Variants in LRP1B observed in about 807,000 individuals in gnomAD.
LRP1B encodes low-density lipoprotein receptor-related protein 1B.
LRP1B carries 217 observed loss-of-function variants against 556.6 expected under a neutral mutation model. The ratio of observed to expected loss-of-function variants is 0.39; its 90% confidence interval spans 0.35 to 0.44. The LOEUF is 0.44. Ranked by LOEUF, LRP1B falls within the 20% of genes least tolerant of loss-of-function variation. The pLI, the probability that LRP1B is intolerant of heterozygous loss-of-function variation, is 1.00. For synonymous variants in LRP1B, 2,047 were observed against 1,865.8 expected, an observed-to-expected ratio of 1.10 and a Z score of -2.50; for missense variants, 5,053 against 5,620.8, an observed-to-expected ratio of 0.90 and a Z score of 3.23.
At chr2:140,479,714 G>A (rs1431986727) in intron 59 of LRP1B, among the ~76,000 whole-genome samples, 3 of 152,088 alleles carry the variant, frequency 2.0e-5, no homozygotes, top group Admixed American at 2.0e-4. Context: ...TTCCCTGTGT[G>A]TTTTTGCCTG....
At chr2:141,937,179 G>A (rs1055166472) in intron 1 of LRP1B, among the ~76,000 whole-genome samples, 10 of 151,774 alleles carry the variant, frequency 6.6e-5, no homozygotes, top group African/African-American at 2.2e-4. Context: ...CATGAAGTCA[G>A]GAGATTGAGA....
At chr2:141,116,878 C>A (rs902690805) in intron 7 of LRP1B, among the ~76,000 whole-genome samples, 4 of 151,942 alleles carry the variant, frequency 2.6e-5, no homozygotes, top group African/African-American at 9.7e-5. Flanking sequence ...TTGGATTTTC[C>A]TTGGATTGCA....
At chr2:140,360,579 C>T (rs559769617) in intron 72 of LRP1B, among the ~76,000 whole-genome samples, 37 of 151,630 alleles carry the variant, frequency 2.4e-4, no homozygotes, top group Non-Finnish European at 4.3e-4. Flanking sequence ...TCACCACCTC[C>T]GCCCCAGTTT....
chr2:141,216,624 A>T (rs1374757439), intron 6 of LRP1B, among the ~76,000 whole-genome samples: 4 of 152,214 alleles, frequency 2.6e-5, no homozygotes, highest in Non-Finnish European at 5.9e-5. Context: ...GCCACAGTAG[A>T]TGTACCCTAC....
chr2:141,630,364 A>G (rs952802605), intron 2 of LRP1B, among the ~76,000 whole-genome samples: 1 of 152,202 alleles, frequency 6.6e-6, no homozygotes, highest in Non-Finnish European at 1.5e-5. Flanking sequence ...GATAAAATCA[A>G]ACTCCCAGAC....
intron 1 of LRP1B, among the ~76,000 whole-genome samples, chr2:141,832,856 A>G (rs1574409900): frequency 6.6e-6 from 1 of 152,020 alleles, no homozygotes; most frequent in South Asian, 2.1e-4. Context: ...TCACAAAATG[A>G]AGCAGGTATA....
chr2:141,351,180 A>G (rs1688430511), intron 3 of LRP1B, among the ~76,000 whole-genome samples: 1 of 152,050 alleles, frequency 6.6e-6, no homozygotes, highest in Non-Finnish European at 1.5e-5. Context: ...AAGAATCAAG[A>G]AAATCAAAGG....
chr2:140,886,459 A>G lies in LRP1B; in HGVS notation c.3767-124T>C. The G allele has an allele frequency of 7.0e-6, 4 of 571,788 alleles. No homozygotes were observed. The East Asian group carries it at 1.2e-4, about 18-fold the overall frequency. 35.4% of individuals were successfully genotyped at this position (571,788 alleles called of 1,614,324 possible). A position where few individuals can be genotyped will look rare whatever the true frequency, so the allele number is the denominator to read the frequency against. Reference sequence around the variant, plus strand: ...CATAATTCTCTGTCTTAAAACAGCAATTTCTTTTAATCCAAAATTTAACAG... The same window carrying G: ...CATAATTCTCTGTCTTAAAACAGCAGTTTCTTTTAATCCAAAATTTAACAG... On this transcript the variant is annotated intron_variant, in intron 23 of 90. Coordinates refer to ENST00000389484, the MANE Select transcript of LRP1B (RefSeq NM_018557.3).
At chr2:141,832,304 T>C (rs1234384862) in intron 1 of LRP1B, among the ~76,000 whole-genome samples, 1 of 146,172 alleles carries the variant, frequency 6.8e-6, no homozygotes, top group Non-Finnish European at 1.5e-5. Context: ...TGGTGGGCAA[T>C]AATTATCCTA....
At chr2:141,786,977 T>A (rs1224295229) in intron 2 of LRP1B, among the ~76,000 whole-genome samples, 1 of 151,962 alleles carries the variant, frequency 6.6e-6, no homozygotes, top group Non-Finnish European at 1.5e-5. Context: ...ATCCAATATT[T>A]CCAGTATCAA....
chr2:141,679,453 C>A (rs1048368351), intron 2 of LRP1B, among the ~76,000 whole-genome samples: 1 of 152,024 alleles, frequency 6.6e-6, no homozygotes, highest in South Asian at 2.1e-4. Context: ...CTGATTATAA[C>A]GAGTATTATT....
chr2:141,278,293 A>G (rs1685378775), intron 3 of LRP1B, among the ~76,000 whole-genome samples: 2 of 152,230 alleles, frequency 1.3e-5, no homozygotes, highest in South Asian at 2.1e-4. Context: ...TCTAGGTAGA[A>G]CCCAGTACTC....
At chr2:141,033,891 A>C (rs1698453363) in intron 11 of LRP1B, among the ~76,000 whole-genome samples, 1 of 152,128 alleles carries the variant, frequency 6.6e-6, no homozygotes, top group Non-Finnish European at 1.5e-5. Context: ...GTGTTCTTGA[A>C]GCTTTATTTT....
chr2:140,829,094 T>A (rs1691626936), intron 31 of LRP1B, among the ~76,000 whole-genome samples: 1 of 152,114 alleles, frequency 6.6e-6, no homozygotes, highest in Non-Finnish European at 1.5e-5. Flanking sequence ...ATTGTAAATA[T>A]ATATGCATCC....
In LRP1B at chr2:141,107,900, T is replaced by G. The variant is rs77026171; in HGVS notation, c.1014-45627A>C. On this transcript the variant is annotated intron_variant, in intron 7 of 90. Transcript: ENST00000389484. The stretch of plus-strand genomic sequence containing the variant: ...CAACGTGTATGTAACTAAGTGAAGT[T>G]TGCTATTTAAAATTGGTAAATCACA... Among the ~76,000 whole-genome samples, 467 of 152,240 alleles carry G rather than the reference T, an allele frequency of 3.1e-3. 4 individuals are homozygous for G. The highest frequency in any genetic ancestry group is 9.9e-3 in the African/African-American group (411 of 41,554).
At chr2:140,950,738 C>T (rs1246707427) in intron 19 of LRP1B, among the ~76,000 whole-genome samples, 2 of 152,088 alleles carry the variant, frequency 1.3e-5, no homozygotes, top group African/African-American at 4.8e-5. Flanking sequence ...GCAATCCACC[C>T]TCCTCGGCCT....
intron 1 of LRP1B, among the ~76,000 whole-genome samples, chr2:141,930,065 G>A (rs1335597817): frequency 1.3e-5 from 2 of 151,614 alleles, no homozygotes; most frequent in African/African-American, 4.8e-5. Context: ...TCTACCAATT[G>A]CCCAAAAGAG....
At chr2:141,368,374 A>C (rs530822634) in intron 3 of LRP1B, among the ~76,000 whole-genome samples, 1 of 152,272 alleles carries the variant, frequency 6.6e-6, no homozygotes, top group South Asian at 2.1e-4. Context: ...AGCACTGAAA[A>C]CTAATTTGCA....
chr2:141,470,043 G>A (rs1463460687), intron 3 of LRP1B, among the ~76,000 whole-genome samples: 1 of 150,646 alleles, frequency 6.6e-6, no homozygotes, highest in Non-Finnish European at 1.5e-5. Flanking sequence ...AAAAAACATA[G>A]TCTGTATAAG....
Sources: allele counts gnomAD v4.1 joint callset (sites outside exome capture counted in the v4.1 genomes callset), GRCh38; gene constraint gnomAD v4.1.1; transcripts MANE v1.5; gene names NCBI Gene and HGNC (gene_info 2026-07-23, HGNC 2026-07-21).